Variants in CSGALNACT1 observed in about 807,000 individuals in gnomAD.
CSGALNACT1 encodes the protein chondroitin sulfate N-acetylgalactosaminyltransferase 1, also known as beta4GalNAcT-1.
A neutral mutation model predicts 51.0 loss-of-function variants in CSGALNACT1; 52 were observed. The observed-to-expected ratio is 1.02, with a 90% CI of 0.82 to 1.29. The LOEUF (loss-of-function observed/expected upper bound fraction) is 1.29. Among genes scored for constraint, CSGALNACT1 ranks in the 50% most tolerant of loss-of-function variants. The pLI is 0.00. For synonymous variants in CSGALNACT1, 341 were observed against 254.4 expected, an observed-to-expected ratio of 1.34 and a Z score of -3.24; for missense variants, 935 against 679.2, an observed-to-expected ratio of 1.38 and a Z score of -4.19.
chr8:19,687,479 T>C (rs2061042384), upstream of CSGALNACT1, among the ~76,000 whole-genome samples: 1 of 152,108 alleles, frequency 6.6e-6, no homozygotes. Flanking sequence ...GTGATGCAAA[T>C]TACTAAAAAA....
chr8:19,590,116 T>C (rs2047480045), intron 3 of CSGALNACT1, among the ~76,000 whole-genome samples: 1 of 152,234 alleles, frequency 6.6e-6, no homozygotes, highest in Non-Finnish European at 1.5e-5. Context: ...TTTGGTGACG[T>C]TGTCATCTCT....
chr8:19,735,557 G>C (rs2063923814), intron 1 of CSGALNACT1, among the ~76,000 whole-genome samples: 1 of 152,022 alleles, frequency 6.6e-6, no homozygotes, highest in Admixed American at 6.6e-5. Flanking sequence ...AAAAATTGCA[G>C]ATATTGGAAC....
intron 1 of CSGALNACT1, among the ~76,000 whole-genome samples, chr8:19,747,217 C>A (rs1458602050): frequency 6.6e-6 from 1 of 151,834 alleles, no homozygotes; most frequent in Non-Finnish European, 1.5e-5. Context: ...ATAATTCCTG[C>A]AGTTGGTTCA....
rs763739218 is a variant in CSGALNACT1 at position 19,628,319 on chromosome 8, G to A, written c.-543-26454C>T. ...GTACATCTTACATGGTGGCAGGAGC[G>A]AGAAGGCTCAAGGGAAACTGCCACT... On this transcript the variant is annotated intron_variant, in intron 1 of 9. Transcript: ENST00000332246. Among the ~76,000 whole-genome samples, 13 of 152,280 alleles carry A rather than the reference G, an allele frequency of 8.5e-5. No individual in the cohort carries two copies. In the South Asian group the frequency reaches 2.1e-3, roughly 24 times the overall value.
intron 5 of CSGALNACT1, among the ~76,000 whole-genome samples, chr8:19,454,844 T>G (rs2063796745): frequency 6.6e-6 from 1 of 152,208 alleles, no homozygotes; most frequent in Non-Finnish European, 1.5e-5. Context: ...ACTTTTTAAC[T>G]TCAGCGAGAT....
At chr8:19,666,983 G>GAA in intron 1 of CSGALNACT1, among the ~76,000 whole-genome samples, 1 of 18,916 alleles carries the variant, frequency 5.3e-5, no homozygotes, top group African/African-American at 3.3e-4. Context: ...AAGAAAGAAA[G>GAA]AAAGAAAGAA....
chr8:19,441,140 T>C (rs1158170000), intron 5 of CSGALNACT1, among the ~76,000 whole-genome samples: 2 of 152,220 alleles, frequency 1.3e-5, no homozygotes, highest in Non-Finnish European at 2.9e-5. Context: ...ATGGTCATAC[T>C]GCCCAAGGTA....
At chr8:19,422,418 T>C (rs1344859930) in intron 6 of CSGALNACT1, among the ~76,000 whole-genome samples, 6 of 152,158 alleles carry the variant, frequency 3.9e-5, no homozygotes, top group South Asian at 4.1e-4. Context: ...CTTGGCTTCA[T>C]GCGGTACTAC....
At chr8:19,448,244 T>C (rs569374835) in intron 5 of CSGALNACT1, among the ~76,000 whole-genome samples, 1 of 152,208 alleles carries the variant, frequency 6.6e-6, no homozygotes, top group African/African-American at 2.4e-5. Flanking sequence ...TTATGTGGTC[T>C]AGGGAATCGT....
chr8:19,553,020 G>A lies in CSGALNACT1; in HGVS notation c.-297+38140C>T, dbSNP rs1419045792. On this transcript the variant is annotated intron_variant, in intron 3 of 9. Coordinates refer to ENST00000454498, the Ensembl canonical transcript of CSGALNACT1. ...AGCACATGACGTCTGCCTCCACTGT[G>A]CATTTGATTTTTATGTTATCGTTTT... Among the ~76,000 whole-genome samples, 12 of 152,124 alleles carry A rather than the reference G, an allele frequency of 7.9e-5. 1 individual carries two copies. Among genetic ancestry groups the A allele is most frequent in the Non-Finnish European group, 1.6e-4 (11 of 68,028 alleles).
chr8:19,646,420 T>C (rs564069890), intron 1 of CSGALNACT1, among the ~76,000 whole-genome samples: 2 of 152,296 alleles, frequency 1.3e-5, no homozygotes, highest in South Asian at 4.1e-4. Flanking sequence ...GTAACAAAGA[T>C]AATTTGAAGA....
intron 1 of CSGALNACT1, among the ~76,000 whole-genome samples, chr8:19,667,061 AAG>A (rs2059424461): frequency 8.0e-6 from 1 of 124,304 alleles, no homozygotes; most frequent in Non-Finnish European, 1.8e-5. Flanking sequence ...GAAAGAAAGA[AAG>A]AAAGAAAGAA....
chr8:19,548,106 C>G (rs2086923655), intron 3 of CSGALNACT1, among the ~76,000 whole-genome samples: 1 of 152,172 alleles, frequency 6.6e-6, no homozygotes, highest in Non-Finnish European at 1.5e-5. Flanking sequence ...TTAAATGTTT[C>G]AACTAAATAT....
intron 9 of CSGALNACT1, among the ~76,000 whole-genome samples, 168 bp downstream of exon 8, chr8:19,408,445 C>CA (rs2054804577): frequency 6.7e-6 from 1 of 150,348 alleles, no homozygotes; most frequent in South Asian, 2.1e-4. Flanking sequence ...CAGGTGTGAG[C>CA]CACCGCACCT....
intron 5 of CSGALNACT1, among the ~76,000 whole-genome samples, chr8:19,454,092 C>A (rs1244222861): frequency 6.6e-6 from 1 of 152,196 alleles, no homozygotes; most frequent in East Asian, 1.9e-4. Context: ...TCATTTAATG[C>A]CAGAATATCT....
chr8:19,519,260 C>A (rs1164853465), intron 3 of CSGALNACT1, among the ~76,000 whole-genome samples: 1 of 152,144 alleles, frequency 6.6e-6, no homozygotes, highest in Admixed American at 6.5e-5. Flanking sequence ...CTCACTTAAA[C>A]CTCATAATAA....
At chr8:19,748,023 T>G (rs1283220214) in intron 1 of CSGALNACT1, among the ~76,000 whole-genome samples, 1 of 151,356 alleles carries the variant, frequency 6.6e-6, no homozygotes, top group East Asian at 1.9e-4. Context: ...TCTCCTCCCT[T>G]GTTCACCCAT....
At chr8:19,752,141 G>C (rs1323070326) in intron 1 of CSGALNACT1, among the ~76,000 whole-genome samples, 4 of 48,710 alleles carry the variant, frequency 8.2e-5, no homozygotes, top group Non-Finnish European at 1.6e-4. Flanking sequence ...TATATTATAT[G>C]ATATTATATG....
chr8:19,690,817 G>A (rs141327264), intron 1 of CSGALNACT1, among the ~76,000 whole-genome samples: 20 of 151,910 alleles, frequency 1.3e-4, no homozygotes, highest in African/African-American at 4.8e-4. Context: ...GGTAATTTGG[G>A]AAATTAGAGT....
Sources: gnomAD v4.1 joint callset for allele counts (sites outside exome capture counted in the v4.1 genomes callset) on GRCh38, gnomAD v4.1.1 for gene constraint, MANE v1.5 for transcripts, NCBI Gene and HGNC (gene_info 2026-07-23, HGNC 2026-07-21) for gene names.